Variants in RAB18 observed in about 807,000 individuals in gnomAD.
The protein encoded by RAB18 is ras-related protein Rab-18.
RAB18 carries 10 observed loss-of-function variants against 28.5 expected under a neutral mutation model. The ratio of observed to expected loss-of-function variants is 0.35; its 90% CI spans 0.22 to 0.60. The LOEUF is 0.60. Ranked by LOEUF, RAB18 falls within the 20% of genes least tolerant of loss-of-function variation. The pLI, the probability that RAB18 is intolerant of heterozygous loss-of-function variation, is 0.78. For synonymous variants in RAB18, 93 were observed against 86.9 expected, an observed-to-expected ratio of 1.07 and a Z score of -0.39; for missense variants, 188 against 244.2, an observed-to-expected ratio of 0.77 and a Z score of 1.53.
At chr10:27,523,800 C>G (rs1834616853) in intron 2 of RAB18, among the ~76,000 whole-genome samples, 1 of 151,848 alleles carries the variant, frequency 6.6e-6, no homozygotes, top group South Asian at 2.1e-4. Context: ...TTATTTTTGG[C>G]TGGGTGCGGT....
Position 27,538,204 on chromosome 10 carries a change from C to A in RAB18, c.*153C>A. ...ATTTGCAAGAAATCCCACTCATCGA[C>A]CCCGGGTAAAATGTTATGGTAAGCA... On this transcript the variant is annotated 3_prime_UTR_variant, in exon 7 of 7. Coordinates refer to ENST00000356940, the MANE Select transcript of RAB18 (RefSeq NM_021252.5). The A allele has an allele frequency of 9.6e-7, 1 of 1,036,878 alleles. No individual in the cohort carries two copies. The highest frequency in any genetic ancestry group is 1.5e-6 in the Non-Finnish European group (1 of 689,432). The allele number at this position is 1,036,878 out of a possible 1,614,324, so 64.2% of individuals were successfully genotyped here.
Position 27,516,605 on chromosome 10 carries a change from G to C in RAB18, c.124+6675G>C, listed in dbSNP as rs1834442681. Among the ~76,000 whole-genome samples the C allele has an allele frequency of 2.6e-5, 4 of 151,796 alleles. No homozygotes were observed. The South Asian group carries it at 8.3e-4, about 32-fold the overall frequency. On this transcript the variant is annotated intron_variant, in intron 2 of 6. Coordinates refer to ENST00000356940, the MANE Select transcript of RAB18 (RefSeq NM_021252.5). ...AGAAATCTTTGATTTCTATACCTTA[G>C]TCTATATTCCTTAGGCTATACCTTA...
intron 2 of RAB18, among the ~76,000 whole-genome samples, chr10:27,525,750 A>G (rs1378006190): frequency 6.6e-6 from 1 of 152,222 alleles, no homozygotes; most frequent in Non-Finnish European, 1.5e-5. Context: ...CATAATGCAC[A>G]TTTTGAATGT....
rs536534071 is a variant in RAB18 at position 27,518,732 on chromosome 10, G to A, written c.125-8096G>A. ...CAGTCTCTGGCTTGTTTTTTCATTC[G>A]TGTAAAAGTATATTTCTAACAGCAT... On this transcript the variant is annotated intron_variant, in intron 2 of 6. Coordinates refer to ENST00000356940, the MANE Select transcript of RAB18 (RefSeq NM_021252.5). Among the ~76,000 whole-genome samples, 7 of 151,878 alleles carry A rather than the reference G, an allele frequency of 4.6e-5. No homozygotes were observed. In the East Asian group the frequency reaches 9.7e-4, roughly 21 times the overall value.
chr10:27,532,397 T>C (rs1834805724), intron 3 of RAB18, 110 bp from the exon 4 acceptor site: 3 of 751,556 alleles, frequency 4.0e-6, no homozygotes, highest in Non-Finnish European at 2.2e-6. Flanking sequence ...TTTAATGAGC[T>C]CATGCATTAA....
intron 3 of RAB18, among the ~76,000 whole-genome samples, chr10:27,531,069 G>A (rs1834777722): frequency 6.6e-6 from 1 of 151,998 alleles, no homozygotes; most frequent in Non-Finnish European, 1.5e-5. Context: ...GAAACTTAGA[G>A]GCAGAGAGAA....
intron 3 of RAB18, among the ~76,000 whole-genome samples, chr10:27,527,774 C>T (rs941035907): frequency 1.3e-5 from 2 of 151,958 alleles, no homozygotes; most frequent in Non-Finnish European, 2.9e-5. Flanking sequence ...TTGAAAACAG[C>T]AAGTGTTCAT....
At position 27,541,142 on chromosome 10, in the gene RAB18, G is replaced by A; in HGVS notation, c.*3091G>A. The A allele has an allele frequency of 4.4e-6, 2 of 453,776 alleles. No homozygotes were observed. The highest frequency in any genetic ancestry group is 3.1e-5 in the South Asian group (2 of 64,450). 28.1% of individuals were successfully genotyped at this position (453,776 alleles called of 1,614,324 possible). A position where few individuals can be genotyped will look rare whatever the true frequency, so the allele number is the denominator to read the frequency against. The stretch of plus-strand genomic sequence containing the variant: ...CTTAGGAAGTTATTTTGTCTTTCCT[G>A]TATTTCCCTAGTTAAGTATAGGGGT... On this transcript the variant is annotated 3_prime_UTR_variant, in exon 7 of 7. Transcript: ENST00000356940.
chr10:27,515,013 C>T (rs1834407212), intron 2 of RAB18, among the ~76,000 whole-genome samples: 2 of 152,180 alleles, frequency 1.3e-5, no homozygotes, highest in Admixed American at 6.5e-5. Flanking sequence ...AGTCCTCCTA[C>T]CTTGGCCTCC....
At chr10:27,505,600 G>T (rs1408689876) in intron 1 of RAB18, among the ~76,000 whole-genome samples, 1 of 152,030 alleles carries the variant, frequency 6.6e-6, no homozygotes, top group East Asian at 1.9e-4. Flanking sequence ...TCGCTCTGTT[G>T]CCAGGCTGGA....
chr10:27,505,569 T>G (rs1837804623), intron 1 of RAB18, among the ~76,000 whole-genome samples: 1 of 152,230 alleles, frequency 6.6e-6, no homozygotes, highest in Non-Finnish European at 1.5e-5. Context: ...TATTTATTTA[T>G]TTATTTTTTG....
intron 2 of RAB18, among the ~76,000 whole-genome samples, chr10:27,523,074 T>C (rs74938573): frequency 1.6e-4 from 24 of 152,094 alleles, no homozygotes; most frequent in Non-Finnish European, 2.8e-4. Flanking sequence ...TGTCTTAGTT[T>C]AGAAGCCTAG....
chr10:27,505,650 C>T (rs1837808840), intron 1 of RAB18, among the ~76,000 whole-genome samples: 1 of 152,186 alleles, frequency 6.6e-6, no homozygotes, highest in African/African-American at 2.4e-5. Flanking sequence ...ACCTCCGCCT[C>T]CCGGGTTCAA....
In RAB18 at chr10:27,540,953, C is replaced by A; in HGVS notation, c.*2902C>A. 1 of 454,064 alleles carries A rather than the reference C, an allele frequency of 2.2e-6. No individual in the cohort carries two copies. Among genetic ancestry groups the A allele is most frequent in the Non-Finnish European group, 4.4e-6 (1 of 226,772 alleles). The allele number at this position is 454,064 out of a possible 1,614,324, so 28.1% of individuals were successfully genotyped here. A position where few individuals can be genotyped will look rare whatever the true frequency, so the allele number is the denominator to read the frequency against. ...TGTTCTGCCTGTGAGTTGGCACAGA[C>A]TTACCTAATAACCATAGTGTCTTTA... is the stretch of plus-strand genomic sequence containing the variant. On this transcript the variant is annotated 3_prime_UTR_variant, in exon 7 of 7. Coordinates refer to ENST00000356940, the MANE Select transcript of RAB18 (RefSeq NM_021252.5).
chr10:27,527,943 C>T (rs893166299), intron 3 of RAB18, among the ~76,000 whole-genome samples: 2 of 151,926 alleles, frequency 1.3e-5, no homozygotes, highest in African/African-American at 2.4e-5. Flanking sequence ...CCTGTTTGCC[C>T]CTTTCCCCCA....
At chr10:27,535,925 T>C (rs1040254279) in intron 6 of RAB18, among the ~76,000 whole-genome samples, 3 of 151,966 alleles carry the variant, frequency 2.0e-5, no homozygotes, top group Non-Finnish European at 2.9e-5. Flanking sequence ...CTACTAAAAA[T>C]ACAAAAAATT....
In RAB18 at chr10:27,539,890, A is replaced by G; in HGVS notation, c.*1839A>G. ...TACTCTCATCAGCTGAAGAATATGTACTATTGTGTTACTCAAATTATGTGG... is the reference window on the plus strand; with the variant it reads ...TACTCTCATCAGCTGAAGAATATGTGCTATTGTGTTACTCAAATTATGTGG... On this transcript the variant is annotated 3_prime_UTR_variant, in exon 7 of 7. Transcript: ENST00000356940. 1 of 453,678 alleles carries G rather than the reference A, an allele frequency of 2.2e-6. No individual in the cohort carries two copies. Among genetic ancestry groups the G allele is most frequent in the Non-Finnish European group, 4.4e-6 (1 of 226,636 alleles). The allele number at this position is 453,678 out of a possible 1,614,324, so 28.1% of individuals were successfully genotyped here.
At chr10:27,514,674 TAATG>T (rs147048439) in intron 2 of RAB18, among the ~76,000 whole-genome samples, 6,464 of 151,960 alleles carry the variant, frequency 0.043, 172 homozygotes, top group South Asian at 0.071. Flanking sequence ...GAAGGAAACA[TAATG>T]AAACACAAAT....
At chr10:27,521,499 A>G (rs934338117) in intron 2 of RAB18, among the ~76,000 whole-genome samples, 11 of 152,234 alleles carry the variant, frequency 7.2e-5, no homozygotes, top group Non-Finnish European at 1.2e-4. Flanking sequence ...TATGCATACC[A>G]TGGAATACCA....
Sources: allele counts gnomAD v4.1 joint callset (sites outside exome capture counted in the v4.1 genomes callset), GRCh38; gene constraint gnomAD v4.1.1; transcripts MANE v1.5; gene names NCBI Gene and HGNC (gene_info 2026-07-23, HGNC 2026-07-21).